DAB2IP: variants seen among roughly 807,000 people sequenced by gnomAD.
The protein encoded by DAB2IP is disabled homolog 2-interacting protein.
DAB2IP carries 28 observed loss-of-function variants against 107.2 expected under a neutral mutation model. That is an observed-to-expected ratio of 0.26 (90% CI 0.19 to 0.36). The LOEUF (loss-of-function observed/expected upper bound fraction) is 0.36. Ranked by LOEUF, DAB2IP falls within the 10% of genes least tolerant of loss-of-function variation. DAB2IP has a pLI of 1.00. For synonymous variants in DAB2IP, 755 were observed against 706.4 expected (o/e 1.07, Z -1.09); for missense variants, 1,400 against 1,644.7 (o/e 0.85, Z 2.57).
At chr9:121,568,084 G>A (rs909609698) in intron 1 of DAB2IP, among the ~76,000 whole-genome samples, 4 of 152,188 alleles carry the variant, frequency 2.6e-5, no homozygotes, top group South Asian at 2.1e-4. Context: ...ATTGCAGGGC[G>A]ACCTCATCCC....
chr9:121,585,092 C>T (rs532876701), intron 1 of DAB2IP, among the ~76,000 whole-genome samples: 3 of 152,266 alleles, frequency 2.0e-5, no homozygotes, highest in African/African-American at 7.2e-5. Context: ...GAATCAGAAT[C>T]TCAGGGTTCA....
Position 121,760,310 on chromosome 9 carries a change from G to A in DAB2IP, c.1041G>A (p.Glu347=), listed in dbSNP as rs201057911. The change falls in exon 6 of 16, where the codon GAG becomes GAA. Residue 347 remains glutamate (E), a synonymous_variant. Coordinates refer to ENST00000408936, the Ensembl canonical transcript of DAB2IP. The surrounding 1 kb of genome is among the most constrained non-coding windows in gnomAD (Gnocchi z 5.9). Reference sequence around the variant, plus strand: ...TCCTGCCCATGGAGATGTACAAAGAGTTCGCTGAGCACATCACCAACCACT... The same window carrying A: ...TCCTGCCCATGGAGATGTACAAAGAATTCGCTGAGCACATCACCAACCACT... The A allele has an allele frequency of 2.5e-6, 4 of 1,613,766 alleles. No homozygotes were observed. In the African/African-American group the frequency reaches 5.3e-5, roughly 22 times the overall value.
intron 1 of DAB2IP, among the ~76,000 whole-genome samples, chr9:121,631,199 C>T (rs554248306): frequency 2.0e-5 from 3 of 152,242 alleles, no homozygotes; most frequent in Admixed American, 6.5e-5. Flanking sequence ...GGCCTGGTTG[C>T]GGGAGGGGGC....
chr9:121,649,295 C>T (rs1183009218), upstream of DAB2IP, among the ~76,000 whole-genome samples: 1 of 144,570 alleles, frequency 6.9e-6, no homozygotes, highest in Non-Finnish European at 1.6e-5. Context: ...AACTAAGGCA[C>T]AGAGAAGGAC....
At chr9:121,665,891 C>A (rs1312042381) in intron 1 of DAB2IP, among the ~76,000 whole-genome samples, 1 of 152,202 alleles carries the variant, frequency 6.6e-6, no homozygotes, top group Admixed American at 6.5e-5. Flanking sequence ...ATCTCTCTAT[C>A]TTTACTTTAA....
At chr9:121,671,175 A>G (rs1833666609) in intron 1 of DAB2IP, among the ~76,000 whole-genome samples, 1 of 152,088 alleles carries the variant, frequency 6.6e-6, no homozygotes, top group Non-Finnish European at 1.5e-5. Flanking sequence ...AAAACAAAAC[A>G]AAGAACAAAA....
intron 1 of DAB2IP, among the ~76,000 whole-genome samples, chr9:121,571,516 G>T (rs1302768102): frequency 6.6e-6 from 1 of 151,422 alleles, no homozygotes; most frequent in Non-Finnish European, 1.5e-5. Context: ...AGCTCCTTTA[G>T]GGGGCTCAGG....
chr9:121,772,940 C>A lies in DAB2IP; in HGVS notation c.2412C>A (p.Gly804=). The change falls in exon 12 of 16, where the codon GGC becomes GGA. Residue 804 remains glycine, a synonymous_variant. Transcript: ENST00000408936. This position sits in a 1 kb window ranked among gnomAD's most constrained non-coding sequence, Gnocchi z 4.7. ...GGCTGGCCACGGTGCGGCGGGCAGG[C>A]CAGACACCAACCACACCAGGCACCT... is the stretch of plus-strand genomic sequence containing the variant. 1.3e-6 allele frequency: 2 copies of A among 1,566,572 alleles called. No individual in the cohort carries two copies. The highest frequency in any genetic ancestry group is 8.6e-7 in the Non-Finnish European group (1 of 1,159,972).
At chr9:121,645,457 C>T (rs1010857655) in intron 1 of DAB2IP, among the ~76,000 whole-genome samples, 3 of 152,172 alleles carry the variant, frequency 2.0e-5, no homozygotes, top group Admixed American at 6.5e-5. Flanking sequence ...AGGCTCTCGA[C>T]GGAGAGAGGT....
At chr9:121,652,120 G>T (rs2119061347) in intron 1 of DAB2IP, among the ~76,000 whole-genome samples, 1 of 152,256 alleles carries the variant, frequency 6.6e-6, no homozygotes, top group South Asian at 2.1e-4. Flanking sequence ...CTTAAGCCAG[G>T]GACAGGGAGA....
At chr9:121,725,999 A>G (rs1831220921) in intron 3 of DAB2IP, among the ~76,000 whole-genome samples, 1 of 152,212 alleles carries the variant, frequency 6.6e-6, no homozygotes, top group Non-Finnish European at 1.5e-5. Flanking sequence ...TTCTTGGCAC[A>G]CGACTCCTGA....
In DAB2IP at chr9:121,651,696, G is replaced by T; in HGVS notation, c.-80G>T. 3 of 1,135,354 alleles carry T rather than the reference G, an allele frequency of 2.6e-6. No homozygotes were observed. Among genetic ancestry groups the T allele is most frequent in the South Asian group, 4.3e-5 (1 of 23,056 alleles). The allele number at this position is 1,135,354 out of a possible 1,614,324, so 70.3% of individuals were successfully genotyped here. ...GGCGAGCGCGGGAGAACGCGTGGGC[G>T]CCCGCCGGGCTGTCCGGAGCGGCCG... is the stretch of plus-strand genomic sequence containing the variant. On this transcript the variant is annotated 5_prime_UTR_variant, in exon 1 of 16. Coordinates refer to ENST00000408936, the Ensembl canonical transcript of DAB2IP. This position sits in a 1 kb window ranked among gnomAD's most constrained non-coding sequence, Gnocchi z 5.1.
intron 1 of DAB2IP, among the ~76,000 whole-genome samples, chr9:121,593,990 A>G (rs1830472634): frequency 6.6e-6 from 1 of 151,806 alleles, no homozygotes; most frequent in South Asian, 2.1e-4. Flanking sequence ...TAGTAACCTG[A>G]TCAAGTTCTT....
chr9:121,717,291 C>T (rs1214725797), intron 3 of DAB2IP, among the ~76,000 whole-genome samples: 1 of 152,200 alleles, frequency 6.6e-6, no homozygotes, highest in East Asian at 1.9e-4. Flanking sequence ...GCCTGAATCT[C>T]AGGGCAGGTA....
At chr9:121,588,509 C>T (rs964492153) in intron 1 of DAB2IP, among the ~76,000 whole-genome samples, 2 of 144,832 alleles carry the variant, frequency 1.4e-5, no homozygotes, top group Non-Finnish European at 3.0e-5. Flanking sequence ...TCTGGCTCAA[C>T]ACCTGTGGAA....
At chr9:121,585,793 G>T (rs751969476) in intron 1 of DAB2IP, among the ~76,000 whole-genome samples, 24 of 152,114 alleles carry the variant, frequency 1.6e-4, no homozygotes, top group Non-Finnish European at 3.2e-4. Flanking sequence ...AGCAGAGGTT[G>T]CAGTGAGCTG....
chr9:121,567,158 G>T (rs1829822052), exon 1 of DAB2IP: 3 of 1,613,894 alleles, frequency 1.9e-6, no homozygotes, highest in Non-Finnish European at 2.5e-6. Context: ...TCATAAATCA[G>T]GTGGGGCCAG....
chr9:121,580,592 T>C (rs1294397964), intron 1 of DAB2IP, among the ~76,000 whole-genome samples: 3 of 151,350 alleles, frequency 2.0e-5, no homozygotes, highest in Non-Finnish European at 4.4e-5. Context: ...GGGAAAGGCC[T>C]GGAGTTGAGA....
chr9:121,685,229 A>C (rs1455240397), intron 2 of DAB2IP, among the ~76,000 whole-genome samples: 1 of 152,108 alleles, frequency 6.6e-6, no homozygotes, highest in Admixed American at 6.5e-5. Flanking sequence ...CATTACCGTC[A>C]TTTTGGTCTG....
Sources: allele counts gnomAD v4.1 joint callset (sites outside exome capture counted in the v4.1 genomes callset), GRCh38; gene constraint gnomAD v4.1.1; non-coding constraint Gnocchi (gnomAD v3.1); transcripts MANE v1.5; gene names NCBI Gene and HGNC (gene_info 2026-07-23, HGNC 2026-07-21).